Variants in ATAD1 observed in about 807,000 individuals in gnomAD.
ATAD1 encodes ATPase family AAA domain containing 1, also known as outer mitochondrial transmembrane helix translocase.
Under a neutral mutation model 42.7 loss-of-function variants are expected in ATAD1, and 18 were observed. That is an observed-to-expected ratio of 0.42 (90% CI 0.29 to 0.63). ATAD1 has a LOEUF of 0.63. Ranked by LOEUF, ATAD1 falls within the 20% of genes least tolerant of loss-of-function variation. The pLI, the probability that ATAD1 is intolerant of heterozygous loss-of-function variation, is 0.19. For synonymous variants in ATAD1, 132 were observed against 143.1 expected, an observed-to-expected ratio of 0.92 and a Z score of 0.55; for missense variants, 294 against 440.4, an observed-to-expected ratio of 0.67 and a Z score of 2.98.
intron 8 of ATAD1, among the ~76,000 whole-genome samples, chr10:87,762,918 A>ATAT (rs373919764): frequency 1.3e-4 from 18 of 134,710 alleles, no homozygotes; most frequent in African/African-American, 2.2e-4. Context: ...AAAAAAAAAA[A>ATAT]ATATATATAT....
At chr10:87,818,043 A>G in intron 1 of ATAD1, 124 bp downstream of exon 1, 1 of 985,606 alleles carries the variant, frequency 1.0e-6, no homozygotes, top group Non-Finnish European at 1.2e-6. Context: ...GCACTGAGGT[A>G]GGGCGTGGGA....
chr10:87,784,697 C>T, intron 4 of ATAD1, 27 bp from the exon 5 acceptor site: 1 of 1,590,038 alleles, frequency 6.3e-7, no homozygotes, highest in Non-Finnish European at 8.6e-7. Context: ...TATTTATTAC[C>T]TTTAAGGGGA....
chr10:87,772,616 A>G (rs1277412335), intron 6 of ATAD1, among the ~76,000 whole-genome samples: 1 of 152,158 alleles, frequency 6.6e-6, no homozygotes, highest in East Asian at 1.9e-4. Context: ...ATTTGAAGAA[A>G]CATAGGACAA....
chr10:87,812,730 T>G (rs1857244443), intron 2 of ATAD1, among the ~76,000 whole-genome samples: 1 of 152,202 alleles, frequency 6.6e-6, no homozygotes, highest in Admixed American at 6.5e-5. Flanking sequence ...TATCCCTCCT[T>G]TTCAGTTGAT....
chr10:87,818,418 G>C (rs944463353), upstream of ATAD1: 6 of 236,246 alleles, frequency 2.5e-5, no homozygotes, highest in Non-Finnish European at 4.1e-5. Context: ...CGGCGTGTCT[G>C]CGAGCAGCAC....
At chr10:87,777,654 A>C (rs1401757303) in intron 5 of ATAD1, among the ~76,000 whole-genome samples, 1 of 152,110 alleles carries the variant, frequency 6.6e-6, no homozygotes, top group Non-Finnish European at 1.5e-5. Context: ...CCCATTTCAA[A>C]TGTTTTGTCT....
chr10:87,814,516 T>G lies in ATAD1; in HGVS notation c.84A>C (p.Ala28=), dbSNP rs1431616707. Residue 28 remains alanine, a synonymous_variant, in exon 2 of 10, where the codon GCA becomes GCC. Coordinates refer to ENST00000680024, the MANE Select transcript of ATAD1 (RefSeq NM_001321967.2). ...TCCATTTGATAGTAAAGTATGTCACTGCACCAAATATTGTCAAACGGAAAA... is the reference window on the plus strand; with the variant it reads ...TCCATTTGATAGTAAAGTATGTCACGGCACCAAATATTGTCAAACGGAAAA... ...GLIFRLTIFG[A]VTYFTIKWMV... 5.0e-6 allele frequency: 8 copies of G among 1,612,256 alleles called. No individual in the cohort carries two copies. The highest frequency in any genetic ancestry group is 6.8e-6 in the Non-Finnish European group (8 of 1,179,144).
chr10:87,826,066 G>A (rs1018174215), intron 1 of ATAD1, among the ~76,000 whole-genome samples: 2 of 152,090 alleles, frequency 1.3e-5, no homozygotes, highest in Non-Finnish European at 2.9e-5. Context: ...TCACCTAGAG[G>A]GGCCCAGCAG....
intron 6 of ATAD1, among the ~76,000 whole-genome samples, chr10:87,772,992 C>T (rs145987763): frequency 9.2e-5 from 14 of 152,004 alleles, no homozygotes; most frequent in African/African-American, 2.9e-4. Flanking sequence ...CTTCATTTGC[C>T]AAGAATCATG....
intron 2 of ATAD1, among the ~76,000 whole-genome samples, chr10:87,806,159 C>T (rs1261461944): frequency 6.6e-6 from 1 of 152,084 alleles, no homozygotes; most frequent in Non-Finnish European, 1.5e-5. Context: ...ACAATCACTG[C>T]CACAGTGAAC....
chr10:87,809,250 C>T (rs999203049), intron 2 of ATAD1, among the ~76,000 whole-genome samples: 1 of 152,108 alleles, frequency 6.6e-6, no homozygotes, highest in African/African-American at 2.4e-5. Flanking sequence ...TTTTGACTCC[C>T]CTCAAACTGA....
chr10:87,799,978 G>A (rs1856606635), intron 2 of ATAD1, among the ~76,000 whole-genome samples: 1 of 151,580 alleles, frequency 6.6e-6, no homozygotes, highest in African/African-American at 2.4e-5. Flanking sequence ...CTCTTATATG[G>A]TAAATTTAGT....
intron 8 of ATAD1, among the ~76,000 whole-genome samples, chr10:87,763,231 GACT>G (rs1490644427): frequency 1.3e-5 from 2 of 151,680 alleles, no homozygotes; most frequent in African/African-American, 4.8e-5. Context: ...TCTTAGAAAA[GACT>G]ACTTTTATCT....
intron 7 of ATAD1, among the ~76,000 whole-genome samples, chr10:87,768,775 T>C (rs918886064): frequency 1.3e-5 from 2 of 152,322 alleles, no homozygotes; most frequent in East Asian, 3.9e-4. Context: ...CTATGTTCTA[T>C]TGTACTGTAC....
At position 87,752,060 on chromosome 10, in the gene ATAD1, T is replaced by G. The variant is rs1401040943; in HGVS notation, c.*2627A>C. On this transcript the variant is annotated 3_prime_UTR_variant, in exon 10 of 10. Coordinates refer to ENST00000680024, the MANE Select transcript of ATAD1 (RefSeq NM_001321967.2). ...TTAAGCTATTATGATGCATACAGAA[T>G]AGAGTACCCCAACCCAGCTCTTAAT... 6.6e-6 allele frequency: 1 copy of G among 152,126 alleles called. No homozygotes were observed. The highest frequency in any genetic ancestry group is 6.6e-5 in the Admixed American group (1 of 15,264). The allele number at this position is 152,126 out of a possible 1,614,324, so 9.4% of individuals were successfully genotyped here. A position where few individuals can be genotyped will look rare whatever the true frequency, so the allele number is the denominator to read the frequency against.
intron 2 of ATAD1, among the ~76,000 whole-genome samples, chr10:87,811,663 T>C (rs1857191195): frequency 6.6e-6 from 1 of 152,174 alleles, no homozygotes; most frequent in Admixed American, 6.5e-5. Flanking sequence ...GGGGAATAAT[T>C]TGGGAAAAGT....
At chr10:87,811,656 G>T (rs559713986) in intron 2 of ATAD1, among the ~76,000 whole-genome samples, 1 of 152,144 alleles carries the variant, frequency 6.6e-6, no homozygotes, top group Non-Finnish European at 1.5e-5. Context: ...GGGAGATGGG[G>T]AATAATTTGG....
intron 8 of ATAD1, 32 bp from the exon 9 acceptor site, chr10:87,756,954 C>CA: frequency 6.5e-7 from 1 of 1,549,562 alleles, no homozygotes; most frequent in Non-Finnish European, 8.7e-7. Flanking sequence ...GCTTAAAAAA[C>CA]AAAAATAAAT....
intron 4 of ATAD1, among the ~76,000 whole-genome samples, chr10:87,788,116 G>C (rs1056017784): frequency 6.6e-6 from 1 of 152,060 alleles, no homozygotes; most frequent in South Asian, 2.1e-4. Flanking sequence ...ACCAATTAGC[G>C]GCATCATGGT....
Sources: gnomAD v4.1 joint callset for allele counts (sites outside exome capture counted in the v4.1 genomes callset) on GRCh38, gnomAD v4.1.1 for gene constraint, MANE v1.5 for transcripts, NCBI Gene and HGNC (gene_info 2026-07-23, HGNC 2026-07-21) for gene names.